The following MAD1L1 variants were observed in gnomAD, a reference collection of about 807,000 sequenced individuals.
The protein encoded by MAD1L1 is mitotic arrest deficient 1 like 1, also known as mitotic spindle assembly checkpoint protein MAD1.
MAD1L1 carries 95 observed loss-of-function variants against 96.9 expected under a neutral mutation model. The observed-to-expected ratio is 0.98, with a 90% confidence interval of 0.83 to 1.16. The LOEUF is 1.16. Among genes scored for constraint, MAD1L1 ranks in the 50% most tolerant of loss-of-function variants. MAD1L1 has a pLI of 0.00. For synonymous variants in MAD1L1, 473 were observed against 396.6 expected, an observed-to-expected ratio of 1.19 and a Z score of -2.29; for missense variants, 1,007 against 954.4, an observed-to-expected ratio of 1.06 and a Z score of -0.73.
chr7:2,098,171 A>C (rs1409695682), intron 11 of MAD1L1, among the ~76,000 whole-genome samples: 2 of 152,094 alleles, frequency 1.3e-5, no homozygotes, highest in Non-Finnish European at 2.9e-5. Context: ...GCTTTGGAGG[A>C]CTCAAAATGA....
intron 17 of MAD1L1, among the ~76,000 whole-genome samples, chr7:1,919,859 A>T (rs1050773476): frequency 2.0e-5 from 3 of 152,194 alleles, no homozygotes; most frequent in East Asian, 3.9e-4. Flanking sequence ...TTTAACTTTG[A>T]TCAACAAAAA....
intron 11 of MAD1L1, among the ~76,000 whole-genome samples, chr7:2,132,805 T>TAA (rs1277050875): frequency 1.3e-5 from 2 of 152,230 alleles, no homozygotes; most frequent in Non-Finnish European, 1.5e-5. Context: ...AGGACACTGT[T>TAA]ACTGTGTGGT....
At chr7:1,981,915 T>C (rs982321298) in intron 14 of MAD1L1, among the ~76,000 whole-genome samples, 27 of 152,166 alleles carry the variant, frequency 1.8e-4, no homozygotes, top group South Asian at 2.1e-4. Context: ...ACAATTATCA[T>C]GGGTCCATTA....
In MAD1L1 at chr7:2,069,356, G is replaced by C. The variant is rs770991890; in HGVS notation, c.1074-18C>G. The C allele has an allele frequency of 6.4e-7, 1 of 1,570,516 alleles. No individual in the cohort carries two copies. Among genetic ancestry groups the C allele is most frequent in the African/African-American group, 1.4e-5 (1 of 73,748 alleles). ...CCCGGGCGCTGCATGGGAGAGACAAGAGGGCAAAGCAATGAAGCCTGGGGT... is the reference window on the plus strand; with the variant it reads ...CCCGGGCGCTGCATGGGAGAGACAACAGGGCAAAGCAATGAAGCCTGGGGT... On this transcript the variant is annotated intron_variant, in intron 11 of 18. Coordinates refer to ENST00000265854, the MANE Select transcript of MAD1L1 (RefSeq NM_001013836.2).
chr7:1,867,348 C>T (rs556455050), intron 18 of MAD1L1, among the ~76,000 whole-genome samples: 2 of 152,242 alleles, frequency 1.3e-5, no homozygotes, highest in South Asian at 2.1e-4. Flanking sequence ...GCAGGACCCC[C>T]CCGGAAGATG....
chr7:2,221,985 G>A (rs568550011), intron 5 of MAD1L1, among the ~76,000 whole-genome samples: 35 of 151,694 alleles, frequency 2.3e-4, no homozygotes, highest in African/African-American at 4.1e-4. Context: ...ATACATGAGC[G>A]AACACAAACA....
At chr7:1,929,412 G>A (rs890756104) in intron 17 of MAD1L1, among the ~76,000 whole-genome samples, 4 of 152,316 alleles carry the variant, frequency 2.6e-5, no homozygotes, top group East Asian at 3.9e-4. Flanking sequence ...TGGCAGGGGG[G>A]CTGAGTGAGG....
At chr7:2,165,044 G>T (rs1790357474) in intron 10 of MAD1L1, among the ~76,000 whole-genome samples, 1 of 152,040 alleles carries the variant, frequency 6.6e-6, no homozygotes, top group African/African-American at 2.4e-5. Flanking sequence ...CAAAAGGTGG[G>T]CAATACAAAT....
intron 18 of MAD1L1, among the ~76,000 whole-genome samples, chr7:1,891,133 G>C (rs186574951): frequency 1.3e-5 from 2 of 152,350 alleles, no homozygotes; most frequent in East Asian, 3.9e-4. Flanking sequence ...AGGACGAGGG[G>C]TGCGGGGCTA....
At chr7:2,165,458 C>T (rs1055769865) in intron 10 of MAD1L1, among the ~76,000 whole-genome samples, 5 of 152,104 alleles carry the variant, frequency 3.3e-5, no homozygotes, top group Non-Finnish European at 1.5e-5. Context: ...CATGAACCCA[C>T]GGTCACACTC....
In MAD1L1 at chr7:2,161,976, G is replaced by A. The variant is rs534013048; in HGVS notation, c.987-12738C>T. 4.7e-5 allele frequency among the ~76,000 whole-genome samples: 7 copies of A among 147,768 alleles called. 1 individual carries two copies. The highest frequency in any genetic ancestry group is 1.5e-4 in the African/African-American group (6 of 39,710). On this transcript the variant is annotated intron_variant, in intron 10 of 18. Transcript: ENST00000265854. ...CCAGCCACCCCGTCCGGGAGGTGGG[G>A]GGCGGCCCCCGCCCATCCGGGAGGT...
intron 14 of MAD1L1, among the ~76,000 whole-genome samples, chr7:2,000,857 G>A (rs1038829725): frequency 6.6e-6 from 1 of 152,182 alleles, no homozygotes; most frequent in Non-Finnish European, 1.5e-5. Flanking sequence ...AGACCCGCGC[G>A]GTGCCCTGCT....
chr7:2,098,677 G>A (rs563623196), intron 11 of MAD1L1, among the ~76,000 whole-genome samples: 1 of 152,254 alleles, frequency 6.6e-6, no homozygotes, highest in East Asian at 1.9e-4. Context: ...TGCAAGAGCC[G>A]CCTGCTGCCA....
chr7:1,953,468 C>T (rs1352419505), intron 16 of MAD1L1, among the ~76,000 whole-genome samples: 1 of 152,238 alleles, frequency 6.6e-6, no homozygotes, highest in Non-Finnish European at 1.5e-5. Context: ...GACCACCAAC[C>T]TGCCCAAACA....
rs1793283858 is a variant in MAD1L1 at position 2,216,390 on chromosome 7, G to A, written c.679-103C>T. On this transcript the variant is annotated intron_variant, in intron 7 of 18. Coordinates refer to ENST00000265854, the MANE Select transcript of MAD1L1 (RefSeq NM_001013836.2). ...AAGAGAAGGAAGCCGGTCTGCAACG[G>A]CTATACACACTGCAGGATCCAACCA... The A allele has an allele frequency of 9.2e-6, 11 of 1,193,974 alleles. No homozygotes were observed. The South Asian group carries it at 1.5e-4, about 16-fold the overall frequency. The allele number at this position is 1,193,974 out of a possible 1,614,324, so 74.0% of individuals were successfully genotyped here. A position where few individuals can be genotyped will look rare whatever the true frequency, so the allele number is the denominator to read the frequency against.
chr7:1,851,290 G>A lies in MAD1L1; in HGVS notation c.1999-35062C>T, dbSNP rs143922011. On this transcript the variant is annotated intron_variant, in intron 18 of 18. Coordinates refer to ENST00000265854, the MANE Select transcript of MAD1L1 (RefSeq NM_001013836.2). ...CGGCAGCAAGAGCTTGGCCTCGGCCGGCACAGGGTTGGGGGCTGATGGCTG... is the reference window on the plus strand; with the variant it reads ...CGGCAGCAAGAGCTTGGCCTCGGCCAGCACAGGGTTGGGGGCTGATGGCTG... 3.4e-3 allele frequency among the ~76,000 whole-genome samples: 516 copies of A among 152,346 alleles called. 2 individuals are homozygous for A. Among genetic ancestry groups the A allele is most frequent in the East Asian group, 7.9e-3 (41 of 5,168 alleles).
At chr7:2,216,771 T>A (rs745566) in intron 7 of MAD1L1, among the ~76,000 whole-genome samples, 1 of 151,936 alleles carries the variant, frequency 6.6e-6, no homozygotes, top group Non-Finnish European at 1.5e-5. Flanking sequence ...GAAAATACCA[T>A]CCATTAAAAA....
At chr7:2,133,471 T>C (rs545835154) in intron 11 of MAD1L1, among the ~76,000 whole-genome samples, 3 of 152,270 alleles carry the variant, frequency 2.0e-5, no homozygotes, top group East Asian at 3.8e-4. Flanking sequence ...GTCTTTTGCA[T>C]GACGGTGAAA....
chr7:2,100,153 A>G (rs551284406), intron 11 of MAD1L1, among the ~76,000 whole-genome samples: 1 of 152,202 alleles, frequency 6.6e-6, no homozygotes, highest in African/African-American at 2.4e-5. Flanking sequence ...ACAGGTGCAC[A>G]CTGCTTTACG....
Sources: allele counts gnomAD v4.1 joint callset (sites outside exome capture counted in the v4.1 genomes callset), GRCh38; gene constraint gnomAD v4.1.1; transcripts MANE v1.5; gene names NCBI Gene and HGNC (gene_info 2026-07-23, HGNC 2026-07-21).